Variants in NSMCE2 observed in about 807,000 individuals in gnomAD.
The protein encoded by NSMCE2 is E3 SUMO-protein ligase NSE2.
A neutral mutation model predicts 23.8 loss-of-function variants in NSMCE2; 24 were observed. The observed-to-expected ratio is 1.01, with a 90% CI of 0.73 to 1.42. NSMCE2 has a LOEUF of 1.42. Among genes scored for constraint, NSMCE2 ranks in the 40% most tolerant of loss-of-function variants. NSMCE2 has a pLI of 0.00. For missense variants in NSMCE2, 284 were observed against 296.5 expected (o/e 0.96, Z 0.31); for synonymous variants, 92 against 94.1 (o/e 0.98, Z 0.13).
chr8:125,171,281 T>C (rs1008688586), intron 4 of NSMCE2, among the ~76,000 whole-genome samples: 4 of 152,244 alleles, frequency 2.6e-5, no homozygotes, highest in Non-Finnish European at 5.9e-5. Context: ...GAACTGGTTC[T>C]CTTGACTGCT....
chr8:125,097,913 G>A (rs530176704), intron 1 of NSMCE2, among the ~76,000 whole-genome samples: 1 of 152,190 alleles, frequency 6.6e-6, no homozygotes, highest in South Asian at 2.1e-4. Flanking sequence ...TATTATATAG[G>A]CAGGAGGGAG....
intron 5 of NSMCE2, among the ~76,000 whole-genome samples, chr8:125,186,561 G>A (rs1823115008): frequency 6.6e-6 from 1 of 152,124 alleles, no homozygotes; most frequent in Non-Finnish European, 1.5e-5. Context: ...ATACAAACAT[G>A]ATATAATATG....
intron 5 of NSMCE2, among the ~76,000 whole-genome samples, chr8:125,214,020 A>G (rs1433578832): frequency 6.6e-6 from 1 of 152,356 alleles, no homozygotes; most frequent in Non-Finnish European, 1.5e-5. Flanking sequence ...GTAGAATAAA[A>G]TCTGCTTTTA....
chr8:125,181,304 G>C lies in NSMCE2; in HGVS notation c.265-799G>C, dbSNP rs113218930. Reference sequence around the variant, plus strand: ...ATGGGTGTGAAGAGCCTGTGTAAAGGTTCTTGAGAAAAGAGCCCGTTGAGA... The same window carrying C: ...ATGGGTGTGAAGAGCCTGTGTAAAGCTTCTTGAGAAAAGAGCCCGTTGAGA... On this transcript the variant is annotated intron_variant, in intron 4 of 7. Transcript: ENST00000287437. Among the ~76,000 whole-genome samples, 997 of 152,206 alleles carry C rather than the reference G, an allele frequency of 6.6e-3. 20 individuals are homozygous for C. The highest frequency in any genetic ancestry group is 0.023 in the African/African-American group (951 of 41,506).
intron 5 of NSMCE2, among the ~76,000 whole-genome samples, chr8:125,209,338 A>G (rs1210909677): frequency 6.6e-6 from 1 of 152,226 alleles, no homozygotes; most frequent in Non-Finnish European, 1.5e-5. Context: ...GGTACTTTCT[A>G]CAAGTATATC....
chr8:125,101,387 G>C (rs1818181817), intron 1 of NSMCE2, among the ~76,000 whole-genome samples: 1 of 152,202 alleles, frequency 6.6e-6, no homozygotes, highest in East Asian at 1.9e-4. Context: ...TGTACTGTAT[G>C]CTATACCATA....
At chr8:125,279,196 T>A (rs913156413) in intron 5 of NSMCE2, among the ~76,000 whole-genome samples, 1 of 152,202 alleles carries the variant, frequency 6.6e-6, no homozygotes, top group Non-Finnish European at 1.5e-5. Context: ...ATAGATGTGG[T>A]TCCGTGCACC....
rs868548245 is a variant in NSMCE2, at chr8:125,097,576, C to T, written c.-110-4475C>T. ...TTTTATGGTCCAGCTTAAGTGCCTT[C>T]ATTTCCGTGAAGCCTATGTCTCCCC... On this transcript the variant is annotated intron_variant, in intron 1 of 7. Coordinates refer to ENST00000287437, the MANE Select transcript of NSMCE2 (RefSeq NM_173685.4). Among the ~76,000 whole-genome samples, 13 of 152,310 alleles carry T rather than the reference C, an allele frequency of 8.5e-5. No homozygotes were observed. The South Asian group carries it at 1.2e-3, about 15-fold the overall frequency.
At chr8:125,233,316 T>G (rs1423105953) in intron 5 of NSMCE2, among the ~76,000 whole-genome samples, 1 of 152,196 alleles carries the variant, frequency 6.6e-6, no homozygotes, top group Non-Finnish European at 1.5e-5. Context: ...AGAACCATTT[T>G]TGTGATTAAT....
intron 1 of NSMCE2, among the ~76,000 whole-genome samples, chr8:125,092,760 T>G (rs1297540846): frequency 6.6e-6 from 1 of 152,218 alleles, no homozygotes; most frequent in African/African-American, 2.4e-5. Context: ...GTTCTAAACT[T>G]TCTTGGAGAT....
intron 5 of NSMCE2, among the ~76,000 whole-genome samples, chr8:125,241,308 A>C (rs1425920863): frequency 6.6e-6 from 1 of 152,266 alleles, no homozygotes; most frequent in African/African-American, 2.4e-5. Context: ...AGTGAAAAAG[A>C]CATTGGCTCA....
chr8:125,177,088 T>G (rs1186859711), intron 4 of NSMCE2, among the ~76,000 whole-genome samples: 1 of 152,252 alleles, frequency 6.6e-6, no homozygotes. Context: ...TTTCTATGTA[T>G]GTTTCTTTAT....
intron 5 of NSMCE2, among the ~76,000 whole-genome samples, chr8:125,274,528 C>T (rs1189685338): frequency 1.3e-5 from 2 of 152,148 alleles, no homozygotes; most frequent in African/African-American, 4.8e-5. Flanking sequence ...GCATATGGTC[C>T]ATAACATTTC....
rs577561188 is a variant in NSMCE2 at position 125,252,797 on chromosome 8, T to C, written c.418+70541T>C. ...TGTATAAGTCTATTTAAGCAGTGCA[T>C]AGATTAGATTAAATGAATGGTTATC... On this transcript the variant is annotated intron_variant, in intron 5 of 7. Coordinates refer to ENST00000287437, the MANE Select transcript of NSMCE2 (RefSeq NM_173685.4). Among the ~76,000 whole-genome samples the C allele has an allele frequency of 3.3e-5, 5 of 152,372 alleles. No individual in the cohort carries two copies. In the South Asian group the frequency reaches 1.0e-3, roughly 32 times the overall value.
chr8:125,266,622 G>A (rs1290698544), intron 5 of NSMCE2, among the ~76,000 whole-genome samples: 1 of 152,168 alleles, frequency 6.6e-6, no homozygotes, highest in Non-Finnish European at 1.5e-5. Flanking sequence ...GTCTCCAACT[G>A]ATCATTTTCC....
chr8:125,253,467 G>A lies in NSMCE2; in HGVS notation c.418+71211G>A, dbSNP rs572067202. Reference sequence around the variant, plus strand: ...ATATACCTTAGATGCAGAGTTTCGGGTGGAGTTTTGTTTTTATGTTTGTTT... The same window carrying A: ...ATATACCTTAGATGCAGAGTTTCGGATGGAGTTTTGTTTTTATGTTTGTTT... On this transcript the variant is annotated intron_variant, in intron 5 of 7. Transcript: ENST00000287437. Among the ~76,000 whole-genome samples, 146 of 152,310 alleles carry A rather than the reference G, an allele frequency of 9.6e-4. 4 individuals carry two copies. In the South Asian group the frequency reaches 0.021, roughly 22 times the overall value.
At chr8:125,311,456 C>T (rs920846710) in intron 5 of NSMCE2, among the ~76,000 whole-genome samples, 2 of 152,212 alleles carry the variant, frequency 1.3e-5, no homozygotes, top group Admixed American at 6.5e-5. Flanking sequence ...TTCATTTGCT[C>T]TAACACAGTT....
rs570388605 is a variant in NSMCE2 at position 125,191,390 on chromosome 8, G to A, written c.418+9134G>A. On this transcript the variant is annotated intron_variant, in intron 5 of 7. Coordinates refer to ENST00000287437, the MANE Select transcript of NSMCE2 (RefSeq NM_173685.4). ...GTGTTTTTTCTTTCTCTCAATTCAA[G>A]CATACCATTCATTTCTTGGAAAAAA... Among the ~76,000 whole-genome samples, 246 of 151,968 alleles carry A rather than the reference G, an allele frequency of 1.6e-3. 1 individual carries two copies. Among genetic ancestry groups the A allele is most frequent in the African/African-American group, 5.7e-3 (238 of 41,410 alleles).
intron 5 of NSMCE2, among the ~76,000 whole-genome samples, chr8:125,193,494 G>C (rs1043881103): frequency 6.6e-6 from 1 of 152,118 alleles, no homozygotes; most frequent in African/African-American, 2.4e-5. Context: ...AACACTGCTG[G>C]TTGTAGCATT....
Sources: gnomAD v4.1 joint callset for allele counts (sites outside exome capture counted in the v4.1 genomes callset) on GRCh38, gnomAD v4.1.1 for gene constraint, MANE v1.5 for transcripts, NCBI Gene and HGNC (gene_info 2026-07-23, HGNC 2026-07-21) for gene names.